The following NELL1 variants were observed in gnomAD, a reference collection of about 807,000 sequenced individuals.
The protein encoded by NELL1 is neural EGFL like 1, also known as protein kinase C-binding protein NELL1.
NELL1 carries 76 observed loss-of-function variants against 107.4 expected under a neutral mutation model. That is an observed-to-expected ratio of 0.71 (90% CI 0.59 to 0.86). The LOEUF (loss-of-function observed/expected upper bound fraction) is 0.86, where lower values mean the gene tolerates loss of function less well. Among genes scored for constraint, NELL1 ranks in the 40% least tolerant of loss-of-function variants. The pLI, the probability that NELL1 is intolerant of heterozygous loss-of-function variation, is 0.00. For missense variants in NELL1, 1,024 were observed against 1,005.5 expected (o/e 1.02, Z -0.25); for synonymous variants, 353 against 341.2 (o/e 1.03, Z -0.38).
At chr11:21,477,667 A>T (rs902747418) in intron 15 of NELL1, among the ~76,000 whole-genome samples, 14 of 152,034 alleles carry the variant, frequency 9.2e-5, no homozygotes, top group Non-Finnish European at 1.5e-5. Context: ...AAGCATCAAG[A>T]CTATCCAGGA....
At chr11:20,819,570 A>G (rs545692029) in intron 3 of NELL1, among the ~76,000 whole-genome samples, 2 of 152,334 alleles carry the variant, frequency 1.3e-5, no homozygotes, top group African/African-American at 4.8e-5. Context: ...AAATTGTTAC[A>G]TGAGACTTTT....
At chr11:20,831,330 G>A (rs1858004104) in intron 3 of NELL1, among the ~76,000 whole-genome samples, 2 of 152,264 alleles carry the variant, frequency 1.3e-5, no homozygotes, top group Middle Eastern at 3.4e-3. Flanking sequence ...ATCAGAGCCT[G>A]CATTTTGACA....
chr11:20,983,746 C>G (rs1301356952), intron 12 of NELL1, among the ~76,000 whole-genome samples: 2 of 152,040 alleles, frequency 1.3e-5, no homozygotes, highest in Non-Finnish European at 2.9e-5. Flanking sequence ...CATTCTAGCT[C>G]TCTTTAATTG....
intron 14 of NELL1, among the ~76,000 whole-genome samples, chr11:21,329,184 G>A (rs951634361): frequency 6.6e-6 from 1 of 152,142 alleles, no homozygotes; most frequent in African/African-American, 2.4e-5. Context: ...CATGTTGTAA[G>A]AGGGACCCAG....
At chr11:20,928,502 A>G in intron 9 of NELL1, 23 bp downstream of exon 9, 3 of 1,554,714 alleles carry the variant, frequency 1.9e-6, no homozygotes, top group Non-Finnish European at 2.7e-6. Flanking sequence ...TGAGGGTCAG[A>G]CTGGCTGTCT....
intron 14 of NELL1, among the ~76,000 whole-genome samples, chr11:21,290,360 C>A (rs574594272): frequency 6.7e-6 from 1 of 148,500 alleles, no homozygotes; most frequent in Non-Finnish European, 1.5e-5. Flanking sequence ...CAGAGCAAGA[C>A]GCCATCTCAA....
chr11:20,954,122 A>G (rs1276391692), intron 11 of NELL1, among the ~76,000 whole-genome samples: 2 of 152,202 alleles, frequency 1.3e-5, no homozygotes, highest in East Asian at 3.9e-4. Flanking sequence ...AAATGGGGAT[A>G]ATAATTCAGC....
intron 5 of NELL1, among the ~76,000 whole-genome samples, chr11:20,914,252 A>G (rs897124407): frequency 6.6e-6 from 1 of 152,156 alleles, no homozygotes; most frequent in Admixed American, 6.5e-5. Flanking sequence ...CATGTGCCCA[A>G]GGTGGTCCTC....
intron 2 of NELL1, among the ~76,000 whole-genome samples, chr11:20,702,460 GA>G (rs1414332058): frequency 3.3e-5 from 5 of 152,072 alleles, no homozygotes; most frequent in Admixed American, 2.6e-4. Context: ...TGCAAACAGG[GA>G]CAATTTGACT....
At chr11:21,043,752 T>C (rs1280413126) in intron 12 of NELL1, among the ~76,000 whole-genome samples, 2 of 152,240 alleles carry the variant, frequency 1.3e-5, no homozygotes, top group Admixed American at 1.3e-4. Context: ...GTTTGAGATA[T>C]ATTTATTGAA....
intron 9 of NELL1, among the ~76,000 whole-genome samples, chr11:20,936,440 C>A (rs914694611): frequency 6.6e-6 from 1 of 152,170 alleles, no homozygotes; most frequent in South Asian, 2.1e-4. Context: ...TGTCCCTGGA[C>A]TTTCTTCTTC....
At chr11:20,787,258 T>C (rs1856986980) in intron 3 of NELL1, among the ~76,000 whole-genome samples, 1 of 151,926 alleles carries the variant, frequency 6.6e-6, no homozygotes, top group Non-Finnish European at 1.5e-5. Context: ...CTGGGGGTAA[T>C]AGAGAAAACC....
At chr11:21,146,021 C>T (rs1445559266) in intron 13 of NELL1, among the ~76,000 whole-genome samples, 1 of 152,120 alleles carries the variant, frequency 6.6e-6, no homozygotes, top group African/African-American at 2.4e-5. Flanking sequence ...CTTCTGCCTC[C>T]CTTGGACAAT....
intron 7 of NELL1, among the ~76,000 whole-genome samples, chr11:20,926,648 T>C (rs1850502409): frequency 6.6e-6 from 1 of 152,196 alleles, no homozygotes; most frequent in South Asian, 2.1e-4. Context: ...GACTCTGTGA[T>C]TATTGGCAAT....
intron 14 of NELL1, among the ~76,000 whole-genome samples, chr11:21,357,631 C>A (rs1318500286): frequency 6.6e-6 from 1 of 152,150 alleles, no homozygotes; most frequent in Non-Finnish European, 1.5e-5. Context: ...TTTTGCTGTG[C>A]AGAAGCTTTT....
At chr11:21,304,339 C>T (rs1849561733) in intron 14 of NELL1, among the ~76,000 whole-genome samples, 1 of 151,960 alleles carries the variant, frequency 6.6e-6, no homozygotes, top group Non-Finnish European at 1.5e-5. Context: ...ACCTAGATAA[C>T]AAAGTCTTAG....
At chr11:21,492,693 A>G (rs191389588) in intron 15 of NELL1, among the ~76,000 whole-genome samples, 1 of 144,078 alleles carries the variant, frequency 6.9e-6, no homozygotes, top group Admixed American at 7.3e-5. Context: ...GGAATTGAAC[A>G]ATGAGAACAC....
chr11:21,115,494 C>T (rs893609261), intron 13 of NELL1, among the ~76,000 whole-genome samples: 1 of 151,906 alleles, frequency 6.6e-6, no homozygotes, highest in Non-Finnish European at 1.5e-5. Context: ...CTGTGGAGGA[C>T]AGAGGGCTGG....
chr11:21,263,695 G>A (rs572871068), intron 14 of NELL1, among the ~76,000 whole-genome samples: 1 of 151,992 alleles, frequency 6.6e-6, no homozygotes, highest in South Asian at 2.1e-4. Flanking sequence ...AGCTGCCATT[G>A]TCAGAAGTAT....
Sources: gnomAD v4.1 joint callset for allele counts (sites outside exome capture counted in the v4.1 genomes callset) on GRCh38, gnomAD v4.1.1 for gene constraint, MANE v1.5 for transcripts, NCBI Gene and HGNC (gene_info 2026-07-23, HGNC 2026-07-21) for gene names.